The following CDK5RAP2 variants were observed in gnomAD, a reference collection of about 807,000 sequenced individuals.
The protein encoded by CDK5RAP2 is CDK5 regulatory subunit-associated protein 2.
Under a neutral mutation model 232.9 loss-of-function variants are expected in CDK5RAP2, and 147 were observed. The ratio of observed to expected loss-of-function variants is 0.63; its 90% CI spans 0.55 to 0.72. The LOEUF is 0.72. Ranked by LOEUF, CDK5RAP2 falls within the 30% of genes least tolerant of loss-of-function variation. CDK5RAP2 has a pLI of 0.00. For missense variants in CDK5RAP2, 2,195 were observed against 2,231.5 expected (o/e 0.98, Z 0.33); for synonymous variants, 833 against 833.7 (o/e 1.00, Z 0.01).
chr9:120,453,584 C>T lies in CDK5RAP2; in HGVS notation c.2665G>A (p.Ala889Thr). The change falls in exon 21 of 38, where the codon GCA (alanine) becomes ACA (threonine). Residue 889 changes from alanine (A) to threonine (T), a missense_variant. By Grantham distance (58) the Ala-to-Thr change is moderately conservative. Coordinates refer to ENST00000349780, the MANE Select transcript of CDK5RAP2 (RefSeq NM_018249.6). ...EGDLLRFKHEATREAWEEKPI... is the reference protein window; with the variant it reads ...EGDLLRFKHETTREAWEEKPI... Reference sequence around the variant, plus strand: ...TTCTCTTCCCAAGCCTCTCTTGTTGCTTCATGCTTGAATCTCAGCAGGTCG... The same window carrying T: ...TTCTCTTCCCAAGCCTCTCTTGTTGTTTCATGCTTGAATCTCAGCAGGTCG... 6.2e-7 allele frequency: 1 copy of T among 1,614,176 alleles called. No individual in the cohort carries two copies. Among genetic ancestry groups the T allele is most frequent in the Non-Finnish European group, 8.5e-7 (1 of 1,180,032 alleles).
At chr9:120,516,612 G>C (rs1007395811) in intron 12 of CDK5RAP2, among the ~76,000 whole-genome samples, 2 of 152,102 alleles carry the variant, frequency 1.3e-5, no homozygotes, top group East Asian at 3.9e-4. Context: ...GATCACTGGA[G>C]ACCAGGAATT....
chr9:120,496,405 A>G (rs1387813035), intron 12 of CDK5RAP2, among the ~76,000 whole-genome samples: 89 of 94,356 alleles, frequency 9.4e-4, no homozygotes, highest in African/African-American at 1.3e-3. Context: ...CCCCCCGCCC[A>G]GCCAGCCGCC....
intron 28 of CDK5RAP2, among the ~76,000 whole-genome samples, chr9:120,411,851 T>C (rs2033869645): frequency 6.6e-6 from 1 of 152,180 alleles, no homozygotes; most frequent in South Asian, 2.1e-4. Flanking sequence ...GAACTCCTTA[T>C]CCTTCCAAAC....
chr9:120,578,716 G>C (rs1463242770), intron 1 of CDK5RAP2, among the ~76,000 whole-genome samples: 4 of 151,920 alleles, frequency 2.6e-5, no homozygotes, highest in Non-Finnish European at 5.9e-5. Context: ...ACAAGTGCAT[G>C]CCACCACGCC....
intron 12 of CDK5RAP2, among the ~76,000 whole-genome samples, chr9:120,515,680 G>A (rs2040302887): frequency 6.6e-6 from 1 of 152,138 alleles, no homozygotes; most frequent in South Asian, 2.1e-4. Context: ...TATTGGCCAG[G>A]TGCCAACCCC....
At chr9:120,540,162 C>T (rs937341513) in intron 5 of CDK5RAP2, among the ~76,000 whole-genome samples, 4 of 152,266 alleles carry the variant, frequency 2.6e-5, no homozygotes, top group Admixed American at 6.5e-5. Context: ...CCAAATCAGA[C>T]GCAGGACTAC....
At chr9:120,501,868 T>C (rs1351903365) in intron 12 of CDK5RAP2, among the ~76,000 whole-genome samples, 1 of 152,244 alleles carries the variant, frequency 6.6e-6, no homozygotes, top group African/African-American at 2.4e-5. Context: ...TTGGGGTAAT[T>C]TGTTATGCAG....
At chr9:120,429,792 G>A (rs1414396098) in intron 25 of CDK5RAP2, among the ~76,000 whole-genome samples, 3 of 152,086 alleles carry the variant, frequency 2.0e-5, no homozygotes, top group African/African-American at 7.2e-5. Flanking sequence ...AAAAGAGCCC[G>A]CATCGCCAAG....
chr9:120,552,788 A>T (rs1219073595), intron 3 of CDK5RAP2, among the ~76,000 whole-genome samples: 1 of 151,890 alleles, frequency 6.6e-6, no homozygotes, highest in Non-Finnish European at 1.5e-5. Flanking sequence ...GCACATGTAT[A>T]CGTATGTAAC....
chr9:120,541,450 T>C (rs986658670), intron 5 of CDK5RAP2, among the ~76,000 whole-genome samples: 2 of 152,250 alleles, frequency 1.3e-5, no homozygotes, highest in African/African-American at 4.8e-5. Flanking sequence ...TTACAGTTTC[T>C]GTGGCAATAA....
intron 6 of CDK5RAP2, 54 bp downstream of exon 6, chr9:120,538,987 C>G (rs2041512255): frequency 6.3e-7 from 1 of 1,586,162 alleles, no homozygotes; most frequent in Non-Finnish European, 8.7e-7. Flanking sequence ...ACTGTGCCAG[C>G]CTATTATTAA....
intron 35 of CDK5RAP2, among the ~76,000 whole-genome samples, chr9:120,397,419 A>C (rs950825721): frequency 2.6e-5 from 4 of 151,532 alleles, no homozygotes; most frequent in Admixed American, 6.6e-5. Flanking sequence ...TTAAATAAAG[A>C]CAGCATCTTA....
At chr9:120,467,046 C>T (rs969039513) in intron 18 of CDK5RAP2, among the ~76,000 whole-genome samples, 7 of 152,162 alleles carry the variant, frequency 4.6e-5, no homozygotes, top group African/African-American at 1.7e-4. Context: ...AGTCAGGCCA[C>T]AGTAGGGAAT....
chr9:120,535,010 G>A (rs965975162), intron 7 of CDK5RAP2, among the ~76,000 whole-genome samples: 2 of 152,184 alleles, frequency 1.3e-5, no homozygotes, highest in Non-Finnish European at 2.9e-5. Context: ...CACTTCCCAG[G>A]GAAGTTTCTC....
chr9:120,560,182 T>C (rs2042411755), intron 3 of CDK5RAP2, among the ~76,000 whole-genome samples: 1 of 152,256 alleles, frequency 6.6e-6, no homozygotes, highest in South Asian at 2.1e-4. Flanking sequence ...TTTTGCAGTG[T>C]GTGACCTTGG....
chr9:120,518,202 T>TGAGA (rs1564327527), intron 12 of CDK5RAP2, among the ~76,000 whole-genome samples: 12 of 108,320 alleles, frequency 1.1e-4, no homozygotes, highest in African/African-American at 4.7e-4. Context: ...TGTGTGTGTG[T>TGAGA]GTGTGTGTGA....
chr9:120,489,376 T>G (rs1281157552), intron 13 of CDK5RAP2, among the ~76,000 whole-genome samples: 1 of 152,234 alleles, frequency 6.6e-6, no homozygotes, highest in Admixed American at 6.5e-5. Flanking sequence ...CCTTTCAATG[T>G]AGAAATAGTT....
At chr9:120,518,208 T>A (rs868496393) in intron 12 of CDK5RAP2, among the ~76,000 whole-genome samples, 190 of 111,428 alleles carry the variant, frequency 1.7e-3, no homozygotes, top group African/African-American at 7.1e-3. Flanking sequence ...TGTGTGTGTG[T>A]GTGAGAGAGA....
intron 3 of CDK5RAP2, among the ~76,000 whole-genome samples, chr9:120,562,178 T>C (rs975382690): frequency 1.3e-5 from 2 of 152,232 alleles, no homozygotes; most frequent in African/African-American, 2.4e-5. Flanking sequence ...GCTGTTTCCC[T>C]AGTATCAATT....
Sources: gnomAD v4.1 joint callset for allele counts (sites outside exome capture counted in the v4.1 genomes callset) on GRCh38, gnomAD v4.1.1 for gene constraint, MANE v1.5 for transcripts, NCBI Gene and HGNC (gene_info 2026-07-23, HGNC 2026-07-21) for gene names.